The following RGS6 variants were observed in gnomAD, a reference collection of about 807,000 sequenced individuals.
RGS6 encodes regulator of G protein signaling 6.
In RGS6, 30 loss-of-function variants were observed where a neutral mutation model predicts 78.5. The observed-to-expected ratio is 0.38, with a 90% CI of 0.29 to 0.52. RGS6 has a LOEUF of 0.52. Among genes scored for constraint, RGS6 ranks in the 20% least tolerant of loss-of-function variants. RGS6 has a pLI of 0.85. For synonymous variants in RGS6, 206 were observed against 206.0 expected, an observed-to-expected ratio of 1.00 and a Z score of 0.00; for missense variants, 495 against 609.7, an observed-to-expected ratio of 0.81 and a Z score of 1.98.
At chr14:72,298,268 A>G (rs1313162883) in intron 2 of RGS6, among the ~76,000 whole-genome samples, 2 of 151,864 alleles carry the variant, frequency 1.3e-5, no homozygotes, top group Non-Finnish European at 2.9e-5. Context: ...GTTGAATTAT[A>G]TTGACTAATT....
chr14:72,008,735 G>A (rs765172548), intron 2 of RGS6, among the ~76,000 whole-genome samples: 11 of 152,282 alleles, frequency 7.2e-5, no homozygotes, highest in Non-Finnish European at 1.3e-4. Context: ...CCAGCCAATA[G>A]CCATGTGACC....
At chr14:72,091,311 C>T (rs971794447) in intron 2 of RGS6, among the ~76,000 whole-genome samples, 12 of 152,288 alleles carry the variant, frequency 7.9e-5, no homozygotes, top group Admixed American at 2.0e-4. Flanking sequence ...AGAGGAGTCC[C>T]GGACACCACT....
At chr14:71,881,708 A>G in the RGS6 span, among the ~76,000 whole-genome samples, 1 of 152,278 alleles carries the variant, frequency 6.6e-6, no homozygotes, top group South Asian at 2.1e-4. Context: ...ACCCAGTCTC[A>G]GGTATGTCTT....
At chr14:72,331,999 T>C (rs2075152871) in intron 2 of RGS6, among the ~76,000 whole-genome samples, 1 of 152,322 alleles carries the variant, frequency 6.6e-6, no homozygotes, top group Non-Finnish European at 1.5e-5. Context: ...TTAGCCCGCA[T>C]TAGACAGGGC....
intron 2 of RGS6, among the ~76,000 whole-genome samples, chr14:72,187,167 T>A (rs932668141): frequency 1.3e-5 from 2 of 152,194 alleles, no homozygotes. Context: ...ATTGATTTTT[T>A]AAAAAAATCT....
chr14:72,227,386 A>C (rs2048373441), intron 2 of RGS6, among the ~76,000 whole-genome samples: 1 of 152,066 alleles, frequency 6.6e-6, no homozygotes, highest in South Asian at 2.1e-4. Context: ...AGTAGCTGGG[A>C]CTCCAGGCAA....
intron 2 of RGS6, among the ~76,000 whole-genome samples, chr14:72,085,571 G>A (rs887198758): frequency 2.6e-5 from 4 of 152,094 alleles, no homozygotes; most frequent in African/African-American, 4.8e-5. Flanking sequence ...AGCATCAGAA[G>A]GGCTGGGTGT....
intron 2 of RGS6, among the ~76,000 whole-genome samples, chr14:71,985,365 G>A (rs747281354): frequency 7.9e-5 from 12 of 152,106 alleles, no homozygotes; most frequent in African/African-American, 2.4e-4. Flanking sequence ...CTCATGATCC[G>A]CCCACCTTGG....
chr14:72,395,023 A>G (rs928974065), intron 3 of RGS6, among the ~76,000 whole-genome samples: 33 of 152,098 alleles, frequency 2.2e-4, no homozygotes, highest in African/African-American at 7.5e-4. Flanking sequence ...ACTTCCTGCA[A>G]CAATAATTAT....
At chr14:72,068,135 G>GCA (rs1555462482) in intron 2 of RGS6, among the ~76,000 whole-genome samples, 1 of 67,720 alleles carries the variant, frequency 1.5e-5, no homozygotes, top group Non-Finnish European at 3.3e-5. Context: ...ATGTATGTAT[G>GCA]TATTTTTTTT....
intron 2 of RGS6, among the ~76,000 whole-genome samples, chr14:72,125,033 A>G (rs192388750): frequency 2.6e-5 from 4 of 152,306 alleles, no homozygotes; most frequent in Admixed American, 2.6e-4. Flanking sequence ...CTCTTTCACT[A>G]GTTAACAAAT....
intron 15 of RGS6, among the ~76,000 whole-genome samples, chr14:72,533,439 G>T (rs28788858): frequency 6.6e-6 from 1 of 152,106 alleles, no homozygotes. Flanking sequence ...CACAACATCC[G>T]TTCTGTAGCC....
chr14:71,960,605 AGAG>A (rs1284008061), intron 1 of RGS6, among the ~76,000 whole-genome samples: 6 of 152,218 alleles, frequency 3.9e-5, no homozygotes, highest in Admixed American at 2.6e-4. Flanking sequence ...GACTTTCTAG[AGAG>A]GAAGTCCCTG....
chr14:72,358,295 C>T (rs150420469), intron 3 of RGS6, among the ~76,000 whole-genome samples: 33 of 152,324 alleles, frequency 2.2e-4, no homozygotes, highest in African/African-American at 7.9e-4. Context: ...TGGGGCACTG[C>T]CTAGAGGAGC....
At chr14:72,578,979 G>C in the RGS6 span, among the ~76,000 whole-genome samples, 1 of 152,182 alleles carries the variant, frequency 6.6e-6, no homozygotes, top group Non-Finnish European at 1.5e-5. Flanking sequence ...ATGAGATCAA[G>C]TCTGCAATCC....
At chr14:72,247,988 T>C (rs1362991862) in intron 2 of RGS6, among the ~76,000 whole-genome samples, 9 of 152,238 alleles carry the variant, frequency 5.9e-5, no homozygotes, top group East Asian at 5.8e-4. Flanking sequence ...ACAGTGACTC[T>C]ACAACCCTAA....
intron 2 of RGS6, among the ~76,000 whole-genome samples, chr14:71,996,278 A>G (rs2095203364): frequency 6.6e-6 from 1 of 151,448 alleles, no homozygotes. Context: ...TGACTTATTT[A>G]GCTAATATTT....
At position 72,104,625 on chromosome 14, in the gene RGS6, C is replaced by A. The variant is rs574011233; in HGVS notation, c.84+139750C>A. On this transcript the variant is annotated intron_variant, in intron 2 of 17. Coordinates refer to ENST00000553525, the MANE Select transcript of RGS6 (RefSeq NM_001204424.2). ...CCTTTGATGCCTCAGTTACCCCACA[C>A]CTTCTCTGTTTGGACTCCTGCAAGC... 2.6e-5 allele frequency among the ~76,000 whole-genome samples: 4 copies of A among 152,312 alleles called. No individual in the cohort carries two copies. In the East Asian group the frequency reaches 7.7e-4, roughly 29 times the overall value.
rs116380564 is a variant in RGS6, at chr14:72,369,336, C to A, written c.184+17142C>A. Among the ~76,000 whole-genome samples, 453 of 152,326 alleles carry A rather than the reference C, an allele frequency of 3.0e-3. 2 individuals are homozygous for A. Among genetic ancestry groups the A allele is most frequent in the African/African-American group, 0.011 (437 of 41,574 alleles). On this transcript the variant is annotated intron_variant, in intron 3 of 17. Transcript: ENST00000553525. Reference sequence around the variant, plus strand: ...GATGCCAGCAGCCACCAGAAGATTCCTTAGCACCTCCAGAGCAAGTATGGC... The same window carrying A: ...GATGCCAGCAGCCACCAGAAGATTCATTAGCACCTCCAGAGCAAGTATGGC...
Sources: gnomAD v4.1 joint callset for allele counts (sites outside exome capture counted in the v4.1 genomes callset) on GRCh38, gnomAD v4.1.1 for gene constraint, MANE v1.5 for transcripts, NCBI Gene and HGNC (gene_info 2026-07-23, HGNC 2026-07-21) for gene names.